Variants in PPARGC1A observed in about 807,000 individuals in gnomAD.
The protein encoded by PPARGC1A is PPARG coactivator 1 alpha, also known as peroxisome proliferator-activated receptor gamma coactivator 1-alpha.
In PPARGC1A, 25 loss-of-function variants were observed where a neutral mutation model predicts 88.7. That is an observed-to-expected ratio of 0.28 (90% CI 0.21 to 0.39). The LOEUF is 0.39. Ranked by LOEUF, PPARGC1A falls within the 10% of genes least tolerant of loss-of-function variation. PPARGC1A has a pLI of 1.00. For missense variants in PPARGC1A, 880 were observed against 968.7 expected (o/e 0.91, Z 1.22); for synonymous variants, 363 against 355.6 (o/e 1.02, Z -0.24).
chr4:24,017,548 G>C, the PPARGC1A span, among the ~76,000 whole-genome samples: 1 of 152,002 alleles, frequency 6.6e-6, no homozygotes, highest in Non-Finnish European at 1.5e-5. Flanking sequence ...GAGGGAAAGA[G>C]AGACTACAAA....
chr4:24,089,798 C>A, the PPARGC1A span, among the ~76,000 whole-genome samples: 2 of 152,272 alleles, frequency 1.3e-5, no homozygotes, highest in East Asian at 3.9e-4. Context: ...GCGTGAGCCA[C>A]CGTGCGCGGC....
chr4:24,103,289 C>T, the PPARGC1A span, among the ~76,000 whole-genome samples: 1 of 152,070 alleles, frequency 6.6e-6, no homozygotes, highest in Non-Finnish European at 1.5e-5. Context: ...TCAATCAGCT[C>T]CTCAACAAAA....
the PPARGC1A span, among the ~76,000 whole-genome samples, chr4:24,278,429 T>C: frequency 6.6e-6 from 1 of 152,192 alleles, no homozygotes. Flanking sequence ...CTAACATTTA[T>C]TGAGCACCAA....
At chr4:24,180,376 AT>A in the PPARGC1A span, among the ~76,000 whole-genome samples, 1 of 152,084 alleles carries the variant, frequency 6.6e-6, no homozygotes, top group Non-Finnish European at 1.5e-5. Flanking sequence ...AACTGGTTAC[AT>A]TTTTTCTACA....
chr4:24,080,198 T>G, the PPARGC1A span, among the ~76,000 whole-genome samples: 1 of 152,042 alleles, frequency 6.6e-6, no homozygotes, highest in Non-Finnish European at 1.5e-5. Context: ...CCTATCTCCA[T>G]GTATCCAAAT....
At chr4:23,982,084 T>C in the PPARGC1A span, among the ~76,000 whole-genome samples, 6 of 152,112 alleles carry the variant, frequency 3.9e-5, no homozygotes, top group Non-Finnish European at 5.9e-5. Flanking sequence ...CTGAAAAATA[T>C]ATCCACTCCT....
chr4:24,133,709 T>C, the PPARGC1A span, among the ~76,000 whole-genome samples: 20 of 152,300 alleles, frequency 1.3e-4, no homozygotes, highest in Non-Finnish European at 2.5e-4. Context: ...CAGGACCGCT[T>C]TTCTAGAAGG....
At chr4:24,303,720 T>G in the PPARGC1A span, among the ~76,000 whole-genome samples, 1 of 152,216 alleles carries the variant, frequency 6.6e-6, no homozygotes, top group Non-Finnish European at 1.5e-5. Context: ...CTCAATTTTT[T>G]TCCATATGAA....
chr4:24,401,696 T>C, the PPARGC1A span, among the ~76,000 whole-genome samples: 1 of 152,098 alleles, frequency 6.6e-6, no homozygotes, highest in Non-Finnish European at 1.5e-5. Context: ...AAAGCACAGA[T>C]AGAATCGCAG....
chr4:24,432,372 G>C, the PPARGC1A span, among the ~76,000 whole-genome samples: 6 of 152,262 alleles, frequency 3.9e-5, no homozygotes, highest in African/African-American at 1.4e-4. Flanking sequence ...ACAGGGTGAG[G>C]GAGAGCTCAT....
the PPARGC1A span, among the ~76,000 whole-genome samples, chr4:24,166,940 T>C: frequency 6.6e-6 from 1 of 152,352 alleles, no homozygotes; most frequent in Middle Eastern, 3.4e-3. Context: ...CTGCAGCTCA[T>C]GGATCAAGGA....
At chr4:23,818,998 T>C (rs1385550968) in intron 7 of PPARGC1A, among the ~76,000 whole-genome samples, 1 of 150,850 alleles carries the variant, frequency 6.6e-6, no homozygotes, top group Non-Finnish European at 1.5e-5. Context: ...AGGAGATGAG[T>C]TTCTAAGTTG....
At chr4:23,910,341 T>TTATATATTA in the PPARGC1A span, among the ~76,000 whole-genome samples, 34 of 60,594 alleles carry the variant, frequency 5.6e-4, no homozygotes, top group East Asian at 2.2e-3. Context: ...ATTATATATA[T>TTATATATTA]TATATATTAT....
chr4:23,843,127 G>T (rs1457761828), intron 2 of PPARGC1A, among the ~76,000 whole-genome samples: 1 of 151,902 alleles, frequency 6.6e-6, no homozygotes, highest in Non-Finnish European at 1.5e-5. Context: ...AACAACTTCT[G>T]ACTATCACCA....
At chr4:24,231,704 C>T in the PPARGC1A span, among the ~76,000 whole-genome samples, 5 of 151,986 alleles carry the variant, frequency 3.3e-5, no homozygotes, top group Non-Finnish European at 5.9e-5. Flanking sequence ...ATGGGGGTGC[C>T]GTTAACCATT....
the PPARGC1A span, among the ~76,000 whole-genome samples, chr4:23,929,745 G>C: frequency 6.6e-6 from 1 of 152,206 alleles, no homozygotes; most frequent in Admixed American, 6.5e-5. Flanking sequence ...CTTCAAGTCT[G>C]TGTTCAAACT....
the PPARGC1A span, among the ~76,000 whole-genome samples, chr4:24,079,918 T>C: frequency 0.085 from 12,894 of 152,086 alleles, 617 homozygotes; most frequent in East Asian, 0.17. Context: ...TGATTCTTAC[T>C]CCAGAATATC....
chr4:23,950,514 T>C, the PPARGC1A span, among the ~76,000 whole-genome samples: 1 of 152,164 alleles, frequency 6.6e-6, no homozygotes, highest in Non-Finnish European at 1.5e-5. Context: ...GAAAGGTATC[T>C]TGTAATGATT....
the PPARGC1A span, among the ~76,000 whole-genome samples, chr4:24,130,995 T>C: frequency 1.3e-5 from 2 of 152,138 alleles, no homozygotes; most frequent in African/African-American, 4.8e-5. Flanking sequence ...CTGCAGGAAA[T>C]GTTTCTTGTT....
Sources: gnomAD v4.1 joint callset for allele counts (sites outside exome capture counted in the v4.1 genomes callset) on GRCh38, gnomAD v4.1.1 for gene constraint, MANE v1.5 for transcripts, NCBI Gene and HGNC (gene_info 2026-07-23, HGNC 2026-07-21) for gene names.